Variants in GAD2 observed in about 807,000 individuals in gnomAD.
GAD2 encodes the protein 65 kDa glutamic acid decarboxylase.
In GAD2, 22 loss-of-function variants were observed where a neutral mutation model predicts 80.1. The ratio of observed to expected loss-of-function variants is 0.27; its 90% CI spans 0.20 to 0.39. GAD2 has a LOEUF of 0.39. Ranked by LOEUF, GAD2 falls within the 10% of genes least tolerant of loss-of-function variation. The pLI, the probability that GAD2 is intolerant of heterozygous loss-of-function variation, is 1.00. For missense variants in GAD2, 624 were observed against 738.4 expected, an observed-to-expected ratio of 0.85 and a Z score of 1.80; for synonymous variants, 274 against 256.9, an observed-to-expected ratio of 1.07 and a Z score of -0.64.
At chr10:26,295,470 G>T (rs1834263488) in intron 15 of GAD2, among the ~76,000 whole-genome samples, 1 of 146,304 alleles carries the variant, frequency 6.8e-6, no homozygotes, top group Non-Finnish European at 1.5e-5. Context: ...CGCCCTTAAA[G>T]TATCATGTCC....
rs750087314 is a variant in GAD2 at position 26,217,842 on chromosome 10, C to T, written c.137C>T (p.Ala46Val). The T allele has an allele frequency of 1.2e-6, 2 of 1,603,078 alleles. No homozygotes were observed. Among genetic ancestry groups the T allele is most frequent in the African/African-American group, 2.7e-5 (2 of 74,848 alleles). The change falls in exon 3 of 16, where the codon GCC becomes GTC. Residue 46 changes from alanine to valine, a missense_variant and splice_region_variant. Physicochemically the swap from Ala to Val is moderately conservative, Grantham distance 64. Coordinates refer to ENST00000376261, the MANE Select transcript of GAD2 (RefSeq NM_001134366.2). This position sits in a 1 kb window ranked among gnomAD's most constrained non-coding sequence, Gnocchi z 4.9. ...FTGGIGNKLC[A>V]LLYGDAEKPA... Reference sequence around the variant, plus strand: ...GCCCGCGTTCGGTGTCCTTACCCAGCCCTGCTCTACGGAGACGCCGAGAAG... The same window carrying T: ...GCCCGCGTTCGGTGTCCTTACCCAGTCCTGCTCTACGGAGACGCCGAGAAG...
intron 8 of GAD2, among the ~76,000 whole-genome samples, chr10:26,248,470 T>A (rs1161237352): frequency 2.0e-5 from 3 of 152,272 alleles, no homozygotes; most frequent in Middle Eastern, 3.4e-3. Context: ...ATCCATTTGG[T>A]GGGAGTCCTG....
intron 15 of GAD2, among the ~76,000 whole-genome samples, chr10:26,294,081 T>G (rs766007996): frequency 5.3e-5 from 8 of 152,214 alleles, no homozygotes; most frequent in Non-Finnish European, 7.3e-5. Context: ...GCGGGGTATA[T>G]GCAGGACCTG....
intron 7 of GAD2, among the ~76,000 whole-genome samples, chr10:26,241,527 T>C (rs749110024): frequency 6.6e-6 from 1 of 150,886 alleles, no homozygotes; most frequent in East Asian, 1.9e-4. Flanking sequence ...ATGTCACATA[T>C]CCTTAATGCC....
intron 12 of GAD2, among the ~76,000 whole-genome samples, chr10:26,281,316 T>C (rs1212974652): frequency 6.6e-6 from 1 of 152,118 alleles, no homozygotes; most frequent in Non-Finnish European, 1.5e-5. Context: ...TGACCTAATC[T>C]CCATGTTTTC....
intron 13 of GAD2, 28 bp downstream of exon 13, chr10:26,286,522 C>A: frequency 6.4e-7 from 1 of 1,568,284 alleles, no homozygotes; most frequent in Non-Finnish European, 8.6e-7. Flanking sequence ...AGCTAAATGT[C>A]AACTAAAAAC....
At chr10:26,280,828 G>A (rs1055110613) in intron 11 of GAD2, among the ~76,000 whole-genome samples, 181 bp from the exon 12 acceptor site, 3 of 151,656 alleles carry the variant, frequency 2.0e-5, no homozygotes, top group Non-Finnish European at 2.9e-5. Context: ...CACTATATAC[G>A]TGTAATAAAT....
At chr10:26,295,508 G>GCACACACACACA (rs61216190) in intron 15 of GAD2, among the ~76,000 whole-genome samples, 6,841 of 133,774 alleles carry the variant, frequency 0.051, 323 homozygotes, top group African/African-American at 0.1. Flanking sequence ...TCATACGCAT[G>GCACACACACACA]CACACACACA....
At chr10:26,269,229 G>T (rs1383079176) in intron 9 of GAD2, 56 bp downstream of exon 9, 2 of 1,401,518 alleles carry the variant, frequency 1.4e-6, no homozygotes, top group African/African-American at 2.9e-5. Flanking sequence ...ATCCACCGGA[G>T]AACAAAATGT....
At chr10:26,258,142 C>T (rs1414313714) in intron 8 of GAD2, among the ~76,000 whole-genome samples, 1 of 152,192 alleles carries the variant, frequency 6.6e-6, no homozygotes, top group Non-Finnish European at 1.5e-5. Flanking sequence ...ACAAAATTGA[C>T]CTAATTAATT....
At position 26,219,267 on chromosome 10, in the gene GAD2, A is replaced by G. The variant is rs1284870040; in HGVS notation, c.511A>G (p.Ile171Val). 6 of 1,595,202 alleles carry G rather than the reference A, an allele frequency of 3.8e-6. No homozygotes were observed. The African/African-American group carries it at 6.7e-5, about 18-fold the overall frequency. Residue 171 changes from isoleucine to valine, a missense_variant, in exon 4 of 16, where the codon ATT becomes GTT. Ile to Val is a conservative substitution (Grantham distance 29, BLOSUM62 3). Transcript: ENST00000376261. ...MHCQTTLKYA[I>V]KTGHPRYFNQ... is the part of the protein sequence containing the mutation. Reference sequence around the variant, plus strand: ...TTGCCAAACAACTCTAAAATATGCAATTAAAACAGGTATTGTCTCATCGAA... The same window carrying G: ...TTGCCAAACAACTCTAAAATATGCAGTTAAAACAGGTATTGTCTCATCGAA...
intron 8 of GAD2, among the ~76,000 whole-genome samples, chr10:26,264,401 C>A (rs372028568): frequency 3.3e-5 from 5 of 150,552 alleles, no homozygotes; most frequent in East Asian, 2.0e-4. Context: ...GCTCTGCCTT[C>A]GTGTTCAGAC....
intron 8 of GAD2, among the ~76,000 whole-genome samples, chr10:26,246,898 T>A (rs1186665247): frequency 6.6e-6 from 1 of 152,040 alleles, no homozygotes; most frequent in African/African-American, 2.4e-5. Flanking sequence ...ATTTTTAAAA[T>A]TAGGAGTGAG....
At chr10:26,284,391 A>G (rs1367829610) in intron 12 of GAD2, among the ~76,000 whole-genome samples, 1 of 152,144 alleles carries the variant, frequency 6.6e-6, no homozygotes, top group East Asian at 1.9e-4. Flanking sequence ...GAATCTCTTT[A>G]TGTACAGCAA....
chr10:26,279,540 A>C (rs1845249462), intron 11 of GAD2, among the ~76,000 whole-genome samples: 1 of 152,244 alleles, frequency 6.6e-6, no homozygotes, highest in South Asian at 2.1e-4. Context: ...ATTTCAGAGA[A>C]GGAGAGGGCC....
chr10:26,280,006 G>T (rs1183727018), intron 11 of GAD2, among the ~76,000 whole-genome samples: 3 of 152,202 alleles, frequency 2.0e-5, no homozygotes. Context: ...CACTGCAATA[G>T]CAAGAACCAT....
chr10:26,235,907 A>T (rs746489962), intron 7 of GAD2, among the ~76,000 whole-genome samples: 37 of 152,188 alleles, frequency 2.4e-4, no homozygotes, highest in Non-Finnish European at 4.1e-4. Flanking sequence ...GAAACAGCAT[A>T]ACCTCATCTA....
intron 8 of GAD2, among the ~76,000 whole-genome samples, chr10:26,264,402 G>A (rs758905070): frequency 2.0e-5 from 3 of 149,096 alleles, no homozygotes; most frequent in Non-Finnish European, 4.4e-5. Flanking sequence ...CTCTGCCTTC[G>A]TGTTCAGACC....
intron 4 of GAD2, among the ~76,000 whole-genome samples, chr10:26,221,049 A>T (rs1258573143): frequency 6.6e-6 from 1 of 152,234 alleles, no homozygotes; most frequent in East Asian, 1.9e-4. Flanking sequence ...AATAGTTTTC[A>T]TAACATATTT....
Sources: allele counts gnomAD v4.1 joint callset (sites outside exome capture counted in the v4.1 genomes callset), GRCh38; gene constraint gnomAD v4.1.1; non-coding constraint Gnocchi (gnomAD v3.1); transcripts MANE v1.5; gene names NCBI Gene and HGNC (gene_info 2026-07-23, HGNC 2026-07-21).